Variants in PDE4D observed in about 807,000 individuals in gnomAD.
PDE4D encodes the protein 3',5'-cyclic-AMP phosphodiesterase 4D.
A neutral mutation model predicts 87.4 loss-of-function variants in PDE4D; 24 were observed. That is an observed-to-expected ratio of 0.27 (90% CI 0.20 to 0.39). PDE4D has a LOEUF of 0.39. Ranked by LOEUF, PDE4D falls within the 10% of genes least tolerant of loss-of-function variation. The pLI, the probability that PDE4D is intolerant of heterozygous loss-of-function variation, is 1.00. For synonymous variants in PDE4D, 384 were observed against 383.2 expected (o/e 1.00, Z -0.02); for missense variants, 714 against 1,041.0 (o/e 0.69, Z 4.32).
chr5:59,940,754 A>G (rs1449474124), intron 3 of PDE4D, among the ~76,000 whole-genome samples: 1 of 152,182 alleles, frequency 6.6e-6, no homozygotes, highest in Non-Finnish European at 1.5e-5. Flanking sequence ...TGAGTCCTGT[A>G]TACATGACAG....
At position 60,138,749 on chromosome 5, in the gene PDE4D, A is replaced by G. The variant is rs545405504; in HGVS notation, c.42+46808T>C. 2.6e-4 allele frequency among the ~76,000 whole-genome samples: 39 copies of G among 152,204 alleles called. No homozygotes were observed. In the South Asian group the frequency reaches 6.6e-3, roughly 26 times the overall value. On this transcript the variant is annotated intron_variant, in intron 2 of 16. Coordinates refer to the PDE4D transcript ENST00000502484. ...CTATGTGACTTCTGTGGCCACTATT[A>G]AAAAGCCACAGTCATTAATATCAGT...
chr5:60,351,184 G>C (rs539980309), intron 1 of PDE4D, among the ~76,000 whole-genome samples: 89 of 152,294 alleles, frequency 5.8e-4, no homozygotes, highest in African/African-American at 2.1e-3. Context: ...AAAGGCCACA[G>C]TCAACAACAG....
chr5:59,557,358 TGTTCCAATG>T, intron 1 of PDE4D, among the ~76,000 whole-genome samples: 1 of 152,216 alleles, frequency 6.6e-6, no homozygotes, highest in East Asian at 1.9e-4. Flanking sequence ...TATAGAAGCT[TGTTCCAATG>T]GTATCACATA....
intron 1 of PDE4D, among the ~76,000 whole-genome samples, chr5:59,574,956 CACTAT>C (rs1441990637): frequency 1.3e-5 from 2 of 151,826 alleles, no homozygotes; most frequent in Non-Finnish European, 2.9e-5. Context: ...TGATTATAAC[CACTAT>C]ACTAAAGAAT....
chr5:60,377,514 C>T lies in PDE4D; in HGVS notation c.-90+110428G>A, dbSNP rs76278427. Among the ~76,000 whole-genome samples the T allele has an allele frequency of 9.3e-4, 141 of 152,240 alleles. 2 individuals carry two copies. In the East Asian group the frequency reaches 0.025, roughly 27 times the overall value. ...ACCAAATATTGTTTATTAGCCAAAA[C>T]AGACAACAGGGCCAACTCAGGCCTC... On this transcript the variant is annotated intron_variant, in intron 1 of 16. Transcript: ENST00000502484.
At chr5:60,131,605 C>T (rs774260835) in intron 2 of PDE4D, among the ~76,000 whole-genome samples, 2 of 152,182 alleles carry the variant, frequency 1.3e-5, no homozygotes, top group Non-Finnish European at 2.9e-5. Context: ...GCCTAGTGGC[C>T]CCTATCTTGC....
At chr5:59,818,880 A>C (rs1328062013) in intron 1 of PDE4D, among the ~76,000 whole-genome samples, 2 of 152,136 alleles carry the variant, frequency 1.3e-5, no homozygotes, top group Non-Finnish European at 2.9e-5. Context: ...TAAAAAAAAA[A>C]ACACAAGAAA....
chr5:59,117,608 A>G (rs909572563), intron 5 of PDE4D, among the ~76,000 whole-genome samples: 6 of 152,152 alleles, frequency 3.9e-5, no homozygotes, highest in Admixed American at 3.3e-4. Context: ...TAGTACTTAT[A>G]TGACTTTTTG....
chr5:60,027,591 T>C (rs1210503376), intron 2 of PDE4D, among the ~76,000 whole-genome samples: 3 of 152,218 alleles, frequency 2.0e-5, no homozygotes, highest in Non-Finnish European at 4.4e-5. Context: ...CATCCATTAC[T>C]GGTCTCTTGT....
At position 58,974,889 on chromosome 5, in the gene PDE4D, C is replaced by T; in HGVS notation, c.2205G>A (p.Gln735=). ...CATCTTCCTCTAAAGTTAGTTCAAA[C>T]TGGAATTTCTCAGTTTGACCCTGCC... ...EGRQGQTEKF[Q]FELTLEEDGE... Residue 735 remains glutamine (Q), a synonymous_variant, in exon 15 of 15, where the codon CAG becomes CAA. Transcript: ENST00000340635. 3 of 1,612,372 alleles carry T rather than the reference C, an allele frequency of 1.9e-6. No individual in the cohort carries two copies. Among genetic ancestry groups the T allele is most frequent in the Non-Finnish European group, 1.7e-6 (2 of 1,178,768 alleles).
At chr5:60,509,725 T>G (rs748430450) in intron 1 of PDE4D, among the ~76,000 whole-genome samples, 2 of 152,196 alleles carry the variant, frequency 1.3e-5, no homozygotes, top group Non-Finnish European at 2.9e-5. Context: ...TTTCTTGCAG[T>G]CTTCTTTCAT....
chr5:60,499,713 A>C (rs1749979004), intron 1 of PDE4D, among the ~76,000 whole-genome samples: 1 of 152,216 alleles, frequency 6.6e-6, no homozygotes, highest in Non-Finnish European at 1.5e-5. Context: ...AAATTTCAGC[A>C]ACCCGATTGG....
intron 2 of PDE4D, among the ~76,000 whole-genome samples, chr5:60,106,068 G>C (rs1286021125): frequency 6.6e-6 from 1 of 151,962 alleles, no homozygotes; most frequent in African/African-American, 2.4e-5. Context: ...CTGGCAAATT[G>C]GATAAAGGGT....
chr5:59,089,270 G>T (rs1229169776), intron 5 of PDE4D, among the ~76,000 whole-genome samples: 2 of 144,258 alleles, frequency 1.4e-5, no homozygotes, highest in South Asian at 4.7e-4. Context: ...CAGGTCAGTA[G>T]CTTGGCTCTG....
chr5:60,343,839 G>A (rs900775062), intron 1 of PDE4D, among the ~76,000 whole-genome samples: 2 of 152,096 alleles, frequency 1.3e-5, no homozygotes, highest in African/African-American at 4.8e-5. Context: ...CTTCAAATTA[G>A]AATTAGTGGA....
chr5:58,991,618 G>A (rs1337183098), intron 8 of PDE4D, among the ~76,000 whole-genome samples: 2 of 151,610 alleles, frequency 1.3e-5, no homozygotes, highest in Non-Finnish European at 2.9e-5. Context: ...AAATGAAGAT[G>A]CAAATAATCA....
intron 1 of PDE4D, among the ~76,000 whole-genome samples, chr5:60,411,546 C>A (rs769820356): frequency 6.6e-6 from 1 of 152,134 alleles, no homozygotes; most frequent in African/African-American, 2.4e-5. Flanking sequence ...TGAAAGTAAT[C>A]ACCATGTAAA....
intron 1 of PDE4D, among the ~76,000 whole-genome samples, chr5:59,302,942 T>C (rs1770554689): frequency 6.6e-6 from 1 of 152,188 alleles, no homozygotes; most frequent in Non-Finnish European, 1.5e-5. Flanking sequence ...TACTTTTAGT[T>C]CTTTAAGGAA....
chr5:59,568,791 T>C (rs1477309509), intron 1 of PDE4D, among the ~76,000 whole-genome samples: 2 of 151,814 alleles, frequency 1.3e-5, no homozygotes, highest in Admixed American at 1.3e-4. Context: ...CAAAGATAAA[T>C]GAAACACGAG....
Sources: gnomAD v4.1 joint callset for allele counts (sites outside exome capture counted in the v4.1 genomes callset) on GRCh38, gnomAD v4.1.1 for gene constraint, MANE v1.5 for transcripts, NCBI Gene and HGNC (gene_info 2026-07-23, HGNC 2026-07-21) for gene names.